The following CFAP97D2 variants were observed in gnomAD, a reference collection of about 807,000 sequenced individuals.
CFAP97D2 encodes the protein CFAP97 domain containing 2.
intron 4 of CFAP97D2, among the ~76,000 whole-genome samples, chr13:114,214,510 C>T (rs1389173704): frequency 1.3e-5 from 2 of 152,048 alleles, no homozygotes; most frequent in Admixed American, 6.5e-5. Context: ...GATGGCAGCC[C>T]CTGGAAGTAA....
intron 3 of CFAP97D2, among the ~76,000 whole-genome samples, chr13:114,206,121 T>G (rs1280470299): frequency 7.0e-6 from 1 of 142,330 alleles, no homozygotes; most frequent in Non-Finnish European, 1.5e-5. Context: ...TTTTTTTTTT[T>G]GAGACAAAGT....
intron 2 of CFAP97D2, among the ~76,000 whole-genome samples, chr13:114,197,976 C>T (rs931459048): frequency 6.6e-6 from 1 of 151,996 alleles, no homozygotes; most frequent in Non-Finnish European, 1.5e-5. Context: ...TTGTTTATTT[C>T]TTTTTTCTTT....
At chr13:114,214,300 C>T (rs561385273) in intron 4 of CFAP97D2, 9 of 152,196 alleles carry the variant, frequency 5.9e-5, no homozygotes, top group East Asian at 1.9e-4. Context: ...TGTGCAAAGA[C>T]GCATGACTGT....
At position 114,185,599 on chromosome 13, in the gene CFAP97D2, A is replaced by G. The variant is rs1594513490; in HGVS notation, c.90+6179A>G. 6.6e-6 allele frequency among the ~76,000 whole-genome samples: 1 copy of G among 152,136 alleles called. No homozygotes were observed. The highest frequency in any genetic ancestry group is 1.9e-4 in the East Asian group (1 of 5,168). Reference sequence around the variant, plus strand: ...CCAGGAAGGCCCCCTGTCTCCCCGCAGGCTCAGAAGTGCCTGCTCCCACTG... The same window carrying G: ...CCAGGAAGGCCCCCTGTCTCCCCGCGGGCTCAGAAGTGCCTGCTCCCACTG... On this transcript the variant is annotated intron_variant, in intron 1 of 4. Transcript: ENST00000646158. This position sits in a 1 kb window ranked among gnomAD's most constrained non-coding sequence, Gnocchi z 5.2.
At chr13:114,184,904 G>A (rs1275900631) in intron 1 of CFAP97D2, among the ~76,000 whole-genome samples, 1 of 152,206 alleles carries the variant, frequency 6.6e-6, no homozygotes, top group African/African-American at 2.4e-5. Context: ...GTGTTAGACT[G>A]TGTATACTTA....
chr13:114,182,670 A>T (rs892209992), intron 1 of CFAP97D2, among the ~76,000 whole-genome samples: 4 of 152,182 alleles, frequency 2.6e-5, no homozygotes, highest in Admixed American at 6.5e-5. Context: ...ACTTTTACCA[A>T]GTATACTGCT....
At chr13:114,188,843 A>C (rs987870307) in intron 1 of CFAP97D2, among the ~76,000 whole-genome samples, 4 of 150,868 alleles carry the variant, frequency 2.7e-5, no homozygotes, top group Non-Finnish European at 5.9e-5. Flanking sequence ...AGAAATAATA[A>C]AAATTACAGC....
In CFAP97D2 at chr13:114,185,661, T is replaced by A. The variant is rs1019351282; in HGVS notation, c.90+6241T>A. ...CCCACTGTTGGCACCAGCTCCGATC[T>A]TGGAGAAAAGTTGGGGCCAAGCCCA... On this transcript the variant is annotated intron_variant, in intron 1 of 4. Transcript: ENST00000646158. This position sits in a 1 kb window ranked among gnomAD's most constrained non-coding sequence, Gnocchi z 5.2. Among the ~76,000 whole-genome samples, 1 of 152,196 alleles carries A rather than the reference T, an allele frequency of 6.6e-6. No homozygotes were observed. The highest frequency in any genetic ancestry group is 1.5e-5 in the Non-Finnish European group (1 of 68,014).
intron 4 of CFAP97D2, among the ~76,000 whole-genome samples, chr13:114,213,816 C>A (rs1445782174): frequency 2.2e-4 from 31 of 142,880 alleles, no homozygotes; most frequent in Admixed American, 9.1e-4. Flanking sequence ...ACAGACCCCA[C>A]CCCTGTGGAA....
chr13:114,218,628 A>G (rs1014847109), intron 4 of CFAP97D2, among the ~76,000 whole-genome samples: 10 of 152,212 alleles, frequency 6.6e-5, no homozygotes, highest in African/African-American at 2.4e-4. Flanking sequence ...TTCAAACTAT[A>G]CTACAAGGCT....
intron 1 of CFAP97D2, among the ~76,000 whole-genome samples, chr13:114,193,884 G>T (rs1430361220): frequency 6.6e-6 from 1 of 152,068 alleles, no homozygotes; most frequent in Non-Finnish European, 1.5e-5. Context: ...CATCTGCCTC[G>T]GCCTCCCAGA....
At chr13:114,193,199 G>GA (rs2080875497) in intron 1 of CFAP97D2, among the ~76,000 whole-genome samples, 1 of 151,644 alleles carries the variant, frequency 6.6e-6, no homozygotes, top group East Asian at 1.9e-4. Context: ...TAAGTATCTG[G>GA]AAAAAAACAA....
At chr13:114,198,966 G>T (rs572639737) in intron 2 of CFAP97D2, among the ~76,000 whole-genome samples, 11 of 22,208 alleles carry the variant, frequency 5.0e-4, no homozygotes, top group East Asian at 4.0e-3. Context: ...CGTCCCCGTG[G>T]GTACGGTCCC....
At chr13:114,194,246 GC>G (rs1383398043) in intron 1 of CFAP97D2, among the ~76,000 whole-genome samples, 3 of 152,124 alleles carry the variant, frequency 2.0e-5, no homozygotes, top group Non-Finnish European at 4.4e-5. Context: ...GTAGAGACAA[GC>G]AAAAATTTGT....
chr13:114,196,076 CAAAA>C (rs57315285), intron 1 of CFAP97D2, among the ~76,000 whole-genome samples: 9,366 of 100,944 alleles, frequency 0.093, 690 homozygotes, highest in African/African-American at 0.24. Context: ...GAGCGAGACT[CAAAA>C]AAAAAAAAAA....
At chr13:114,220,162 C>T (rs7996053) in intron 4 of CFAP97D2, among the ~76,000 whole-genome samples, 1 of 152,136 alleles carries the variant, frequency 6.6e-6, no homozygotes, top group Non-Finnish European at 1.5e-5. Flanking sequence ...AGAAGACCCT[C>T]CTGGGCCCAG....
intron 2 of CFAP97D2, among the ~76,000 whole-genome samples, chr13:114,196,942 A>G (rs961713165): frequency 6.6e-6 from 1 of 152,240 alleles, no homozygotes; most frequent in Non-Finnish European, 1.5e-5. Context: ...AGGTGGATTC[A>G]AAGATTTCCT....
intron 2 of CFAP97D2, among the ~76,000 whole-genome samples, chr13:114,197,772 T>C (rs2080894218): frequency 6.6e-6 from 1 of 152,138 alleles, no homozygotes; most frequent in African/African-American, 2.4e-5. Context: ...AGCCTCTGCC[T>C]CCCAGGTGCA....
At chr13:114,202,623 C>T (rs76756181) in intron 3 of CFAP97D2, among the ~76,000 whole-genome samples, 1 of 152,328 alleles carries the variant, frequency 6.6e-6, no homozygotes, top group African/African-American at 2.4e-5. Context: ...AGCTCCTAGT[C>T]GAAGGGCCTT....
Sources: allele counts gnomAD v4.1 joint callset (sites outside exome capture counted in the v4.1 genomes callset), GRCh38; gene constraint gnomAD v4.1.1; non-coding constraint Gnocchi (gnomAD v3.1); transcripts MANE v1.5; gene names NCBI Gene and HGNC (gene_info 2026-07-23, HGNC 2026-07-21).